Variants in MYO1H observed in about 807,000 individuals in gnomAD.
MYO1H encodes myosin IH, also known as unconventional myosin-Ih.
In MYO1H, 118 loss-of-function variants were observed where a neutral mutation model predicts 149.3. That is an observed-to-expected ratio of 0.79 (90% CI 0.68 to 0.92). The LOEUF (loss-of-function observed/expected upper bound fraction) is 0.92. MYO1H is among the 40% of genes least tolerant of loss of function. The pLI, the probability that MYO1H is intolerant of heterozygous loss-of-function variation, is 0.00. For synonymous variants in MYO1H, 447 were observed against 465.2 expected (o/e 0.96, Z 0.50); for missense variants, 1,212 against 1,280.7 (o/e 0.95, Z 0.82).
chr12:109,352,693 T>C (rs1868490230), intron 1 of MYO1H, among the ~76,000 whole-genome samples: 1 of 152,218 alleles, frequency 6.6e-6, no homozygotes, highest in South Asian at 2.1e-4. Flanking sequence ...CTATTACTTA[T>C]GCTTATTTTT....
At chr12:109,391,539 C>T (rs1055473481) in intron 2 of MYO1H, among the ~76,000 whole-genome samples, 6 of 152,156 alleles carry the variant, frequency 3.9e-5, no homozygotes, top group South Asian at 2.1e-4. Flanking sequence ...CCGCAGTGAA[C>T]ACACGTGTAC....
At chr12:109,322,657 T>C in the MYO1H span, among the ~76,000 whole-genome samples, 2 of 151,688 alleles carry the variant, frequency 1.3e-5, no homozygotes, top group Non-Finnish European at 2.9e-5. Context: ...CTGTCTCTAC[T>C]AAAATTACAA....
At chr12:109,313,903 A>G in the MYO1H span, among the ~76,000 whole-genome samples, 1 of 151,808 alleles carries the variant, frequency 6.6e-6, no homozygotes, top group South Asian at 2.1e-4. Context: ...TCGTTTTTTT[A>G]GACGGAGTTT....
chr12:109,394,111 A>C (rs1263962317), intron 3 of MYO1H, among the ~76,000 whole-genome samples: 1 of 152,188 alleles, frequency 6.6e-6, no homozygotes, highest in Non-Finnish European at 1.5e-5. Flanking sequence ...GTTTTATGCA[A>C]GTTTTTGAAA....
At chr12:109,332,154 G>A in the MYO1H span, among the ~76,000 whole-genome samples, 1 of 152,202 alleles carries the variant, frequency 6.6e-6, no homozygotes, top group Non-Finnish European at 1.5e-5. Context: ...ATGAACCTCA[G>A]TCCATTTTAA....
At chr12:109,439,683 G>C in exon 24 of MYO1H, 1 of 1,613,806 alleles carries the variant, frequency 6.2e-7, no homozygotes, top group Non-Finnish European at 8.5e-7. Context: ...TGACAACGAG[G>C]AATTTATCGT....
upstream of MYO1H, among the ~76,000 whole-genome samples, chr12:109,344,739 A>G (rs2048097368): frequency 6.6e-6 from 1 of 152,218 alleles, no homozygotes; most frequent in African/African-American, 2.4e-5. Context: ...AACTGACTAC[A>G]AAGCTACAAA....
the MYO1H span, among the ~76,000 whole-genome samples, chr12:109,338,598 T>C: frequency 2.2e-4 from 33 of 152,022 alleles, 1 homozygote; most frequent in Non-Finnish European, 4.4e-5. Flanking sequence ...TGAAACCTTG[T>C]CTCTACTAAA....
intron 31 of MYO1H, chr12:109,446,954 C>T: frequency 1.6e-6 from 1 of 622,830 alleles, no homozygotes; most frequent in South Asian, 1.8e-5. Context: ...AGTCCATCTT[C>T]CTCCCTGACT....
chr12:109,352,490 T>A (rs1264474323), intron 1 of MYO1H, among the ~76,000 whole-genome samples: 1 of 152,230 alleles, frequency 6.6e-6, no homozygotes, highest in Non-Finnish European at 1.5e-5. Flanking sequence ...CATTGTTTAT[T>A]CTACGAAACT....
chr12:109,437,104 C>T (rs546294856), intron 22 of MYO1H, among the ~76,000 whole-genome samples: 1 of 151,420 alleles, frequency 6.6e-6, no homozygotes, highest in South Asian at 2.1e-4. Context: ...GACCCTGTCT[C>T]AAAAAAAATA....
chr12:109,353,818 AT>A (rs569201669), intron 1 of MYO1H, among the ~76,000 whole-genome samples: 2 of 151,386 alleles, frequency 1.3e-5, no homozygotes, highest in Middle Eastern at 3.4e-3. Context: ...CACTTGGCTA[AT>A]TTTTTTTTAT....
At chr12:109,434,137 G>A (rs1871757898) in intron 20 of MYO1H, among the ~76,000 whole-genome samples, 1 of 152,146 alleles carries the variant, frequency 6.6e-6, no homozygotes, top group Non-Finnish European at 1.5e-5. Context: ...AGCCTCTCGA[G>A]TAGCTGGGAT....
the MYO1H span, among the ~76,000 whole-genome samples, chr12:109,312,368 A>G: frequency 6.6e-6 from 1 of 150,472 alleles, no homozygotes; most frequent in Non-Finnish European, 1.5e-5. Flanking sequence ...GCCTGCCACC[A>G]CGCCCAGCTA....
At chr12:109,332,870 A>G in the MYO1H span, among the ~76,000 whole-genome samples, 1 of 152,190 alleles carries the variant, frequency 6.6e-6, no homozygotes, top group Non-Finnish European at 1.5e-5. Flanking sequence ...GGCGTGAGCC[A>G]CCGTGCCCAG....
chr12:109,340,284 G>A, the MYO1H span, among the ~76,000 whole-genome samples: 2 of 152,214 alleles, frequency 1.3e-5, no homozygotes, highest in African/African-American at 4.8e-5. Flanking sequence ...CGGTTCAAGC[G>A]ATTCTCCTGC....
upstream of MYO1H, among the ~76,000 whole-genome samples, chr12:109,345,718 T>G (rs910237803): frequency 2.6e-5 from 4 of 152,202 alleles, no homozygotes; most frequent in Non-Finnish European, 4.4e-5. Context: ...GTGCATCAAC[T>G]GATGGATAAA....
intron 1 of MYO1H, among the ~76,000 whole-genome samples, chr12:109,376,500 C>G (rs1056585755): frequency 1.3e-5 from 2 of 152,150 alleles, no homozygotes; most frequent in Non-Finnish European, 2.9e-5. Context: ...GGTAGGCATA[C>G]AGTTTTTTTG....
At chr12:109,445,972 G>A in intron 31 of MYO1H, 1 of 985,424 alleles carries the variant, frequency 1.0e-6, no homozygotes, top group Non-Finnish European at 1.2e-6. Context: ...ATGCGCTTGT[G>A]TCCCACCCAG....
Sources: allele counts gnomAD v4.1 joint callset (sites outside exome capture counted in the v4.1 genomes callset), GRCh38; gene constraint gnomAD v4.1.1; transcripts MANE v1.5; gene names NCBI Gene and HGNC (gene_info 2026-07-23, HGNC 2026-07-21).